The following STK24 variants were observed in gnomAD, a reference collection of about 807,000 sequenced individuals.
The protein encoded by STK24 is serine/threonine-protein kinase 24.
In STK24, 21 loss-of-function variants were observed where a neutral mutation model predicts 55.6. That is an observed-to-expected ratio of 0.38 (90% CI 0.27 to 0.54). STK24 has a LOEUF of 0.54. STK24 is among the 20% of genes least tolerant of loss of function. STK24 has a pLI of 0.79. For missense variants in STK24, 383 were observed against 538.4 expected (o/e 0.71, Z 2.86); for synonymous variants, 200 against 215.2 (o/e 0.93, Z 0.62).
At chr13:98,507,319 C>T (rs1189883767) in intron 2 of STK24, among the ~76,000 whole-genome samples, 1 of 152,198 alleles carries the variant, frequency 6.6e-6, no homozygotes, top group Non-Finnish European at 1.5e-5. Context: ...TAAATCCCAG[C>T]TCAACAGCCA....
At chr13:98,518,146 C>G (rs1896131545) in intron 2 of STK24, among the ~76,000 whole-genome samples, 1 of 152,222 alleles carries the variant, frequency 6.6e-6, no homozygotes, top group African/African-American at 2.4e-5. Flanking sequence ...CTATGACACA[C>G]TGCTGTCCTT....
chr13:98,458,736 G>A (rs1189438040), intron 9 of STK24, among the ~76,000 whole-genome samples: 8 of 152,208 alleles, frequency 5.3e-5, no homozygotes, highest in East Asian at 1.9e-4. Context: ...TCCCCTTGCC[G>A]TGTGGAACGT....
chr13:98,525,612 C>T (rs1566386324), intron 1 of STK24, among the ~76,000 whole-genome samples: 1 of 152,148 alleles, frequency 6.6e-6, no homozygotes, highest in East Asian at 1.9e-4. Context: ...GCTCGCCACC[C>T]CGGTATAGGC....
chr13:98,456,039 G>A (rs1893439002), intron 10 of STK24: 1 of 153,284 alleles, frequency 6.5e-6, no homozygotes, highest in African/African-American at 2.4e-5. Flanking sequence ...ATCAAAGGAG[G>A]GAGGGATCGT....
chr13:98,551,234 C>A (rs149342115), intron 1 of STK24, among the ~76,000 whole-genome samples: 1 of 150,590 alleles, frequency 6.6e-6, no homozygotes, highest in African/African-American at 2.5e-5. Flanking sequence ...TGCAGTGAGC[C>A]GAGATCTTGC....
chr13:98,531,715 T>TCCC (rs550895077), intron 1 of STK24, among the ~76,000 whole-genome samples: 79 of 152,250 alleles, frequency 5.2e-4, no homozygotes, highest in Non-Finnish European at 6.9e-4. Context: ...ATCCCTGTTC[T>TCCC]CCCCCTCACT....
intron 10 of STK24, 106 bp from the exon 11 acceptor site, chr13:98,453,315 A>G (rs188712369): frequency 8.4e-7 from 1 of 1,184,754 alleles, no homozygotes; most frequent in African/African-American, 1.5e-5. Context: ...ATTCCAAGTC[A>G]TACAAAAATA....
At chr13:98,545,957 C>CA (rs1897019396) in intron 1 of STK24, among the ~76,000 whole-genome samples, 1 of 151,962 alleles carries the variant, frequency 6.6e-6, no homozygotes, top group Admixed American at 6.5e-5. Context: ...CTAAAAAAAA[C>CA]ATGAAAGTTT....
rs3742136 is a variant in STK24, at chr13:98,450,353, C to T, written c.*2820G>A. 0.26 allele frequency: 39,547 copies of T among 152,160 alleles called. 5,285 individuals are homozygous for T. Among genetic ancestry groups the T allele is most frequent in the Non-Finnish European group, 0.3 (20,266 of 67,994 alleles). The allele number at this position is 152,160 out of a possible 1,614,324, so 9.4% of individuals were successfully genotyped here. A position where few individuals can be genotyped will look rare whatever the true frequency, so the allele number is the denominator to read the frequency against. On this transcript the variant is annotated 3_prime_UTR_variant, in exon 11 of 11. Coordinates refer to ENST00000539966, the MANE Select transcript of STK24 (RefSeq NM_001032296.4). The stretch of plus-strand genomic sequence containing the variant: ...GGGAAATATAAAAAATGTTTATAAA[C>T]TGACAGTGTTTTGCCAGAGGAAAGG...
chr13:98,471,744 T>C (rs1894154462), intron 5 of STK24, among the ~76,000 whole-genome samples: 1 of 152,208 alleles, frequency 6.6e-6, no homozygotes, highest in South Asian at 2.1e-4. Context: ...TGGAGGTTTG[T>C]ATTCCCTTTA....
chr13:98,480,174 G>A (rs559682526), intron 3 of STK24, among the ~76,000 whole-genome samples: 1 of 152,164 alleles, frequency 6.6e-6, no homozygotes, highest in Non-Finnish European at 1.5e-5. Context: ...TTTTTTAAGT[G>A]GAGAGTTTTA....
rs1228600256 is a variant in STK24 at position 98,449,552 on chromosome 13, C to A, written c.*3621G>T. 2.6e-5 allele frequency: 4 copies of A among 152,618 alleles called. No homozygotes were observed. The highest frequency in any genetic ancestry group is 6.5e-5 in the Admixed American group (1 of 15,274). 9.5% of individuals were successfully genotyped at this position (152,618 alleles called of 1,614,324 possible). A position where few individuals can be genotyped will look rare whatever the true frequency, so the allele number is the denominator to read the frequency against. ...ACCCCATTCTTTCCAGCGCCCCGCA[C>A]CATAGCACCTGCCCACCTGAGAACC... On this transcript the variant is annotated 3_prime_UTR_variant, in exon 11 of 11. Transcript: ENST00000539966.
chr13:98,569,358 C>T lies in STK24; in HGVS notation c.42+7387G>A, dbSNP rs545699813. Among the ~76,000 whole-genome samples, 6 of 149,124 alleles carry T rather than the reference C, an allele frequency of 4.0e-5. No homozygotes were observed. The South Asian group carries it at 1.3e-3, about 32-fold the overall frequency. ...CTGCCTATTCACAGAAAATGGCGCA[C>T]TATATGCCCAACCAACATCATGGCA... is the stretch of plus-strand genomic sequence containing the variant. On this transcript the variant is annotated intron_variant, in intron 1 of 10. Transcript: ENST00000539966.
intron 2 of STK24, among the ~76,000 whole-genome samples, chr13:98,509,868 C>A (rs1895823512): frequency 6.6e-6 from 1 of 152,200 alleles, no homozygotes. Flanking sequence ...CTCTGCCTGA[C>A]TCTTCATTCT....
intron 1 of STK24, among the ~76,000 whole-genome samples, chr13:98,528,352 G>C (rs1896491035): frequency 6.6e-6 from 1 of 152,136 alleles, no homozygotes; most frequent in African/African-American, 2.4e-5. Flanking sequence ...GTGTTTTCCT[G>C]CTCCCTCTCA....
At chr13:98,549,455 G>T (rs1454207667) in intron 1 of STK24, among the ~76,000 whole-genome samples, 4 of 152,236 alleles carry the variant, frequency 2.6e-5, no homozygotes, top group Admixed American at 6.5e-5. Flanking sequence ...GCAATCCCCA[G>T]TGTTGGAGGT....
At chr13:98,533,101 G>A (rs1594646875) in intron 1 of STK24, among the ~76,000 whole-genome samples, 2 of 152,188 alleles carry the variant, frequency 1.3e-5, no homozygotes, top group South Asian at 2.1e-4. Context: ...TTTTCAGGCC[G>A]GGTGTGGTGG....
At chr13:98,535,365 AAAAAAAT>A (rs200348354) in intron 1 of STK24, among the ~76,000 whole-genome samples, 37,230 of 102,280 alleles carry the variant, frequency 0.36, 5,386 homozygotes, top group East Asian at 0.46. Flanking sequence ...AACAAACAAA[AAAAAAAT>A]ATATATATAT....
At chr13:98,517,187 T>G (rs1896097808) in intron 2 of STK24, among the ~76,000 whole-genome samples, 1 of 152,240 alleles carries the variant, frequency 6.6e-6, no homozygotes, top group Non-Finnish European at 1.5e-5. Flanking sequence ...ATAATTCATA[T>G]TAAAATACAA....
Sources: gnomAD v4.1 joint callset for allele counts (sites outside exome capture counted in the v4.1 genomes callset) on GRCh38, gnomAD v4.1.1 for gene constraint, MANE v1.5 for transcripts, NCBI Gene and HGNC (gene_info 2026-07-23, HGNC 2026-07-21) for gene names.